ANKRD50: variants seen among roughly 807,000 people sequenced by gnomAD.
The protein encoded by ANKRD50 is ankyrin repeat domain 50.
In ANKRD50, 40 loss-of-function variants were observed where a neutral mutation model predicts 112.0. The ratio of observed to expected loss-of-function variants is 0.36; its 90% confidence interval spans 0.28 to 0.46. The LOEUF is 0.46. Ranked by LOEUF, ANKRD50 falls within the 20% of genes least tolerant of loss-of-function variation. The pLI is 1.00. For synonymous variants in ANKRD50, 613 were observed against 619.1 expected (o/e 0.99, Z 0.15); for missense variants, 1,487 against 1,701.7 (o/e 0.87, Z 2.22).
At chr4:124,686,242 G>A (rs1161619312) in intron 2 of ANKRD50, among the ~76,000 whole-genome samples, 1 of 152,116 alleles carries the variant, frequency 6.6e-6, no homozygotes, top group African/African-American at 2.4e-5. Context: ...TGAAACATCA[G>A]GTTTCAGCTC....
intron 2 of ANKRD50, among the ~76,000 whole-genome samples, chr4:124,698,023 A>T (rs1205839523): frequency 6.6e-6 from 1 of 152,178 alleles, no homozygotes; most frequent in East Asian, 1.9e-4. Context: ...AATTTTTTGA[A>T]GCATTTGCTG....
At position 124,669,466 on chromosome 4, in the gene ANKRD50, C is replaced by T; in HGVS notation, c.3811G>A (p.Gly1271Arg). The T allele has an allele frequency of 1.2e-6, 2 of 1,612,264 alleles. No individual in the cohort carries two copies. The highest frequency in any genetic ancestry group is 8.5e-7 in the Non-Finnish European group (1 of 1,179,550). The change falls in exon 4 of 5, where the codon GGG becomes AGG. Residue 1271 changes from glycine to arginine, a missense_variant. Transcript: ENST00000504087. ...SLKSTKASKG[G>R]KSENSAKSGS... is the part of the protein sequence containing the mutation. The stretch of plus-strand genomic sequence containing the variant: ...GACTTGGCAGAATTTTCTGATTTCC[C>T]CCCTTTACTTGCTTTAGTTGACTTC...
intron 4 of ANKRD50, 131 bp downstream of exon 4, chr4:124,668,853 G>A: frequency 1.3e-6 from 1 of 754,184 alleles, no homozygotes; most frequent in Non-Finnish European, 2.1e-6. Context: ...GGGTGATGAG[G>A]CAGGTCTGGC....
At chr4:124,707,798 T>A (rs1725539107) in intron 2 of ANKRD50, among the ~76,000 whole-genome samples, 1 of 151,996 alleles carries the variant, frequency 6.6e-6, no homozygotes, top group African/African-American at 2.4e-5. Flanking sequence ...CTTCTTCCTC[T>A]TCAATTAGCT....
intron 2 of ANKRD50, among the ~76,000 whole-genome samples, chr4:124,702,769 A>G (rs1363180513): frequency 6.6e-6 from 1 of 152,150 alleles, no homozygotes; most frequent in Non-Finnish European, 1.5e-5. Context: ...TATTTGTTCA[A>G]TGTATTTTAC....
intron 2 of ANKRD50, among the ~76,000 whole-genome samples, chr4:124,696,545 T>C (rs1299711095): frequency 6.6e-6 from 1 of 151,782 alleles, no homozygotes; most frequent in Non-Finnish European, 1.5e-5. Context: ...ATAGAAAAAA[T>C]ACCAAGAAAC....
intron 2 of ANKRD50, among the ~76,000 whole-genome samples, chr4:124,697,629 T>C (rs1277367448): frequency 6.6e-6 from 1 of 152,250 alleles, no homozygotes; most frequent in Non-Finnish European, 1.5e-5. Context: ...GCCAAGCAGA[T>C]ACCAGCACCA....
chr4:124,674,733 T>C (rs1730732913), intron 3 of ANKRD50, among the ~76,000 whole-genome samples: 1 of 151,768 alleles, frequency 6.6e-6, no homozygotes, highest in Non-Finnish European at 1.5e-5. Flanking sequence ...AAGTATAGAA[T>C]TTCATAAAGA....
intron 2 of ANKRD50, among the ~76,000 whole-genome samples, chr4:124,698,420 T>C (rs1028190761): frequency 2.6e-5 from 4 of 151,822 alleles, no homozygotes; most frequent in Non-Finnish European, 5.9e-5. Context: ...TTCATTTTAT[T>C]TACTTTTTAT....
intron 4 of ANKRD50, 107 bp from the exon 5 acceptor site, chr4:124,667,621 T>C (rs2110505214): frequency 6.6e-6 from 1 of 152,246 alleles, no homozygotes; most frequent in South Asian, 2.1e-4. Context: ...TTTATCTATA[T>C]ATTTACCATG....
intron 3 of ANKRD50, among the ~76,000 whole-genome samples, chr4:124,674,803 A>C (rs1730734903): frequency 6.6e-6 from 1 of 151,828 alleles, no homozygotes. Context: ...AATACTTAAT[A>C]ATATGGATTT....
rs932448918 is a variant in ANKRD50 at position 124,712,725 on chromosome 4, C to A, written c.-1031G>T. On this transcript the variant is annotated 5_prime_UTR_variant, in exon 1 of 5. Transcript: ENST00000504087. ...ACCGCCGCCGCCGCCGCCGTCAGGG[C>A]AGTAACTGTCTCAGGCAGCCCCCGG... The A allele has an allele frequency of 1.9e-5, 3 of 156,646 alleles. No homozygotes were observed. Among genetic ancestry groups the A allele is most frequent in the Non-Finnish European group, 2.8e-5 (2 of 71,788 alleles). 9.7% of individuals were successfully genotyped at this position (156,646 alleles called of 1,614,324 possible). A position where few individuals can be genotyped will look rare whatever the true frequency, so the allele number is the denominator to read the frequency against.
At chr4:124,691,245 C>A (rs943718643) in intron 2 of ANKRD50, among the ~76,000 whole-genome samples, 7 of 152,030 alleles carry the variant, frequency 4.6e-5, no homozygotes, top group African/African-American at 1.7e-4. Context: ...GTAATCCCAG[C>A]ACTTTGGGAG....
chr4:124,710,892 T>C lies in ANKRD50; in HGVS notation c.-381A>G. On this transcript the variant is annotated 5_prime_UTR_variant, in exon 2 of 5. Transcript: ENST00000504087. ...TAAAGAAAAAACCCAATCTTTCAATTTGTACAAAATGCTTCTCCAGATTCC... is the reference window on the plus strand; with the variant it reads ...TAAAGAAAAAACCCAATCTTTCAATCTGTACAAAATGCTTCTCCAGATTCC... 1 of 422,624 alleles carries C rather than the reference T, an allele frequency of 2.4e-6. No individual in the cohort carries two copies. The highest frequency in any genetic ancestry group is 3.3e-5 in the East Asian group (1 of 30,456). The allele number at this position is 422,624 out of a possible 1,614,324, so 26.2% of individuals were successfully genotyped here.
rs558683779 is a variant in ANKRD50 at position 124,684,838 on chromosome 4, T to G, written c.513-5933A>C. On this transcript the variant is annotated intron_variant, in intron 2 of 4. Transcript: ENST00000504087. ...ATAGGATTCATTCCTAAGTCCTCCT[T>G]TTCGTTTTAGCACATTGTCTTCCTT... is the stretch of plus-strand genomic sequence containing the variant. 7.9e-5 allele frequency among the ~76,000 whole-genome samples: 12 copies of G among 152,302 alleles called. No homozygotes were observed. The East Asian group carries it at 2.1e-3, about 27-fold the overall frequency.
rs1730438106 is a variant in ANKRD50 at position 124,664,250 on chromosome 4, G to C, written c.*3268C>G. The C allele has an allele frequency of 6.6e-6, 1 of 151,604 alleles. No individual in the cohort carries two copies. Among genetic ancestry groups the C allele is most frequent in the Non-Finnish European group, 1.5e-5 (1 of 67,864 alleles). The allele number at this position is 151,604 out of a possible 1,614,324, so 9.4% of individuals were successfully genotyped here. ...ATATAGTATATAATCAGTCACGGGG[G>C]GGAAAAGAACATTAAGTCTTTAAAA... On this transcript the variant is annotated 3_prime_UTR_variant, in exon 5 of 5. Transcript: ENST00000504087.
rs369062659 is a variant in ANKRD50 at position 124,708,903 on chromosome 4, CACTT to C, written c.512+1093_512+1096del. ...GTAAAGCACTTAGAATAATGACTGACACTTACTGTTTACTGTAATTACTATTAAA... is the reference window on the plus strand; with the variant it reads ...GTAAAGCACTTAGAATAATGACTGACACTGTTTACTGTAATTACTATTAAA... On this transcript the variant is annotated intron_variant, in intron 2 of 4. Coordinates refer to ENST00000504087, the MANE Select transcript of ANKRD50 (RefSeq NM_020337.3). Among the ~76,000 whole-genome samples, 123 of 152,004 alleles carry C rather than the reference CACTT, an allele frequency of 8.1e-4. No individual in the cohort carries two copies. The Middle Eastern group carries it at 0.01, about 13-fold the overall frequency.
chr4:124,665,480 A>G lies in ANKRD50; in HGVS notation c.*2038T>C, dbSNP rs1730465907. 1 of 152,266 alleles carries G rather than the reference A, an allele frequency of 6.6e-6. No individual in the cohort carries two copies. The highest frequency in any genetic ancestry group is 1.5e-5 in the Non-Finnish European group (1 of 67,886). 9.4% of individuals were successfully genotyped at this position (152,266 alleles called of 1,614,324 possible). A position where few individuals can be genotyped will look rare whatever the true frequency, so the allele number is the denominator to read the frequency against. On this transcript the variant is annotated 3_prime_UTR_variant, in exon 5 of 5. Coordinates refer to ENST00000504087, the MANE Select transcript of ANKRD50 (RefSeq NM_020337.3). ...ATTCAAAGTTAATAGAAAAACTGGCAGCTTTCAGGGTTCTCTTTCTAAAGA... is the reference window on the plus strand; with the variant it reads ...ATTCAAAGTTAATAGAAAAACTGGCGGCTTTCAGGGTTCTCTTTCTAAAGA...
intron 2 of ANKRD50, among the ~76,000 whole-genome samples, chr4:124,693,689 T>G (rs1354433142): frequency 1.3e-5 from 2 of 152,148 alleles, no homozygotes; most frequent in African/African-American, 4.8e-5. Flanking sequence ...TACCTTGATA[T>G]TTACGGGATT....
Sources: gnomAD v4.1 joint callset for allele counts (sites outside exome capture counted in the v4.1 genomes callset) on GRCh38, gnomAD v4.1.1 for gene constraint, MANE v1.5 for transcripts, NCBI Gene and HGNC (gene_info 2026-07-23, HGNC 2026-07-21) for gene names.